XYLT1: variants seen among roughly 807,000 people sequenced by gnomAD.
XYLT1 encodes the protein xylosyltransferase 1, also known as beta-D-xylosyltransferase 1.
A neutral mutation model predicts 91.3 loss-of-function variants in XYLT1; 36 were observed. That is an observed-to-expected ratio of 0.39 (90% CI 0.30 to 0.52). The LOEUF is 0.52. Among genes scored for constraint, XYLT1 ranks in the 20% least tolerant of loss-of-function variants. The pLI is 0.68. For synonymous variants in XYLT1, 588 were observed against 532.0 expected (o/e 1.11, Z -1.45); for missense variants, 1,242 against 1,284.5 (o/e 0.97, Z 0.51).
At chr16:17,307,730 G>A (rs566270350) in intron 2 of XYLT1, among the ~76,000 whole-genome samples, 1 of 152,282 alleles carries the variant, frequency 6.6e-6, no homozygotes, top group South Asian at 2.1e-4. Context: ...ATTGATCGGG[G>A]CTTGGAATGC....
chr16:17,159,543 A>G (rs1378838198), intron 5 of XYLT1, among the ~76,000 whole-genome samples: 2 of 152,172 alleles, frequency 1.3e-5, no homozygotes, highest in African/African-American at 4.8e-5. Context: ...ATACAGTAGG[A>G]GCTATATTAA....
intron 1 of XYLT1, among the ~76,000 whole-genome samples, chr16:17,391,362 A>C (rs2035817202): frequency 1.3e-5 from 2 of 152,152 alleles, no homozygotes; most frequent in Non-Finnish European, 2.9e-5. Flanking sequence ...TCCCCAACCA[A>C]CCAGCAGCAC....
chr16:17,160,165 C>A (rs2031513131), intron 5 of XYLT1, among the ~76,000 whole-genome samples: 1 of 152,226 alleles, frequency 6.6e-6, no homozygotes, highest in Non-Finnish European at 1.5e-5. Context: ...CCAAGGATGT[C>A]ATTTAACCTC....
At chr16:17,453,514 A>G (rs1032917866) in intron 1 of XYLT1, among the ~76,000 whole-genome samples, 3 of 152,234 alleles carry the variant, frequency 2.0e-5, no homozygotes, top group African/African-American at 7.2e-5. Flanking sequence ...ACTGGCATTC[A>G]GAAACTGACA....
intron 2 of XYLT1, among the ~76,000 whole-genome samples, chr16:17,350,394 T>C (rs1052452239): frequency 6.6e-6 from 1 of 152,200 alleles, no homozygotes; most frequent in Admixed American, 6.5e-5. Context: ...GAAGATCCCA[T>C]GGCCAGGAGA....
intron 3 of XYLT1, among the ~76,000 whole-genome samples, chr16:17,237,634 G>C (rs2033269486): frequency 6.6e-6 from 1 of 152,184 alleles, no homozygotes; most frequent in South Asian, 2.1e-4. Context: ...TTAGAATCCG[G>C]AGACGGATTC....
chr16:17,210,698 C>T (rs1015268597), intron 3 of XYLT1, among the ~76,000 whole-genome samples: 2 of 152,208 alleles, frequency 1.3e-5, no homozygotes, highest in African/African-American at 4.8e-5. Context: ...GTGTGAGCCA[C>T]CTTGCCCAGT....
chr16:17,274,719 A>C (rs1450272897), intron 2 of XYLT1, among the ~76,000 whole-genome samples: 2 of 152,174 alleles, frequency 1.3e-5, no homozygotes, highest in Admixed American at 6.5e-5. Flanking sequence ...GGAGCAAGAC[A>C]GACAAAGGAA....
At chr16:17,180,236 C>A (rs1313040093) in intron 5 of XYLT1, among the ~76,000 whole-genome samples, 1 of 152,180 alleles carries the variant, frequency 6.6e-6, no homozygotes, top group African/African-American at 2.4e-5. Flanking sequence ...GAGACACTGC[C>A]CCAATTCCTG....
At chr16:17,111,598 C>A (rs1415375403) in intron 11 of XYLT1, among the ~76,000 whole-genome samples, 1 of 152,196 alleles carries the variant, frequency 6.6e-6, no homozygotes, top group Non-Finnish European at 1.5e-5. Context: ...GTGTCCAGAG[C>A]AGGCAAGAAG....
chr16:17,404,864 C>T (rs1045168449), intron 1 of XYLT1, among the ~76,000 whole-genome samples: 1 of 152,206 alleles, frequency 6.6e-6, no homozygotes, highest in African/African-American at 2.4e-5. Context: ...CAGGCATAAA[C>T]GTGTGCAGAG....
chr16:17,291,782 C>T (rs1377319809), intron 2 of XYLT1, among the ~76,000 whole-genome samples: 1 of 152,092 alleles, frequency 6.6e-6, no homozygotes, highest in Non-Finnish European at 1.5e-5. Flanking sequence ...ACAAAAATGC[C>T]ATGTTCCAAA....
At chr16:17,232,863 C>T (rs891493689) in intron 3 of XYLT1, among the ~76,000 whole-genome samples, 8 of 152,034 alleles carry the variant, frequency 5.3e-5, no homozygotes, top group African/African-American at 1.9e-4. Context: ...TTTGGACTGT[C>T]CTTCTTGACC....
intron 2 of XYLT1, among the ~76,000 whole-genome samples, chr16:17,310,647 A>G (rs1204013180): frequency 6.6e-6 from 1 of 152,158 alleles, no homozygotes; most frequent in Non-Finnish European, 1.5e-5. Context: ...TCATGAGTTC[A>G]AGACCAGCCT....
chr16:17,249,340 G>C (rs1210874224), intron 3 of XYLT1, among the ~76,000 whole-genome samples: 1 of 152,130 alleles, frequency 6.6e-6, no homozygotes, highest in Non-Finnish European at 1.5e-5. Context: ...TGTGAAGGGA[G>C]GTTGAGCCAC....
Position 17,161,675 on chromosome 16 carries a change from GCGCTCT to G in XYLT1, c.1290-2772_1290-2767del, listed in dbSNP as rs1567302257. ...ATTTTACCCCGTTCCAGTTTCTCGC[GCGCTCT>G]CTCTCTCTCTCTCTCTCTTCCACTC... On this transcript the variant is annotated intron_variant, in intron 5 of 11. Coordinates refer to ENST00000261381, the MANE Select transcript of XYLT1 (RefSeq NM_022166.4). 3.2e-5 allele frequency among the ~76,000 whole-genome samples: 3 copies of G among 94,616 alleles called. No individual in the cohort carries two copies. In the South Asian group the frequency reaches 8.5e-4, roughly 27 times the overall value. 62.1% of individuals were successfully genotyped at this position (94,616 alleles called of 152,430 possible). A position where few individuals can be genotyped will look rare whatever the true frequency, so the allele number is the denominator to read the frequency against.
rs1596565123 is a variant in XYLT1 at position 17,470,590 on chromosome 16, G to A, written c.207C>T (p.Asp69=). 2.3e-5 allele frequency: 27 copies of A among 1,184,520 alleles called. No individual in the cohort carries two copies. The highest frequency in any genetic ancestry group is 2.7e-5 in the Non-Finnish European group (26 of 958,838). 73.4% of individuals were successfully genotyped at this position (1,184,520 alleles called of 1,614,324 possible). ...PAPAPRRERR[D]LPAEPAAARG... ...GGGCTGCAGCCGGCTCGGCGGGCAG[G>A]TCCCGGCGCTCCCGGCGCGGGGCCG... The change falls in exon 1 of 12, where the codon GAC becomes GAT. Residue 69 remains aspartate, a synonymous_variant. Transcript: ENST00000261381.
At chr16:17,369,784 A>T (rs2035505132) in intron 1 of XYLT1, 1 of 152,230 alleles carries the variant, frequency 6.6e-6, no homozygotes, top group Non-Finnish European at 1.5e-5. Flanking sequence ...CAGAACAGGA[A>T]GAGGTTCTTA....
At chr16:17,252,950 T>C (rs1438179225) in intron 3 of XYLT1, among the ~76,000 whole-genome samples, 3 of 152,182 alleles carry the variant, frequency 2.0e-5, no homozygotes, top group Non-Finnish European at 4.4e-5. Context: ...TATATGTATA[T>C]GAATATTTAC....
Sources: gnomAD v4.1 joint callset for allele counts (sites outside exome capture counted in the v4.1 genomes callset) on GRCh38, gnomAD v4.1.1 for gene constraint, MANE v1.5 for transcripts, NCBI Gene and HGNC (gene_info 2026-07-23, HGNC 2026-07-21) for gene names.